Variants in PLEKHG3 observed in about 807,000 individuals in gnomAD.
PLEKHG3 encodes the protein pleckstrin homology and RhoGEF domain containing G3.
A neutral mutation model predicts 94.9 loss-of-function variants in PLEKHG3; 62 were observed. That is an observed-to-expected ratio of 0.65 (90% CI 0.53 to 0.81). The LOEUF (loss-of-function observed/expected upper bound fraction) is 0.81. PLEKHG3 is among the 30% of genes least tolerant of loss of function. The probability of loss-of-function intolerance (pLI) is 0.00; values close to 1 mark genes in which losing one functional copy is unlikely to be tolerated. For synonymous variants in PLEKHG3, 614 were observed against 654.0 expected (o/e 0.94, Z 0.93); for missense variants, 1,461 against 1,619.3 (o/e 0.90, Z 1.68).
At position 64,731,306 on chromosome 14, in the gene PLEKHG3, A is replaced by C; in HGVS notation, c.850-55A>C. ...GGAGCCTTTGTGGCAGGGTTTGCAG[A>C]GCCTCCTAAGGCCCCAGTGGCCTGA... is the stretch of plus-strand genomic sequence containing the variant. On this transcript the variant is annotated intron_variant, in intron 7 of 16. Coordinates refer to ENST00000247226, the MANE Select transcript of PLEKHG3 (RefSeq NM_001308147.2). The surrounding 1 kb of genome is among the most constrained non-coding windows in gnomAD (Gnocchi z 6.1). 6.6e-7 allele frequency: 1 copy of C among 1,517,224 alleles called. No individual in the cohort carries two copies. 94.0% of individuals were successfully genotyped at this position (1,517,224 alleles called of 1,614,324 possible).
At position 64,733,008 on chromosome 14, in the gene PLEKHG3, C is replaced by G. The variant is rs76526584; in HGVS notation, c.1345+107C>G. The G allele has an allele frequency of 6.3e-4, 451 of 711,252 alleles. 5 individuals are homozygous for G. In the East Asian group the frequency reaches 0.012, roughly 19 times the overall value. 44.1% of individuals were successfully genotyped at this position (711,252 alleles called of 1,614,324 possible). A position where few individuals can be genotyped will look rare whatever the true frequency, so the allele number is the denominator to read the frequency against. On this transcript the variant is annotated intron_variant, in intron 12 of 16. Coordinates refer to ENST00000247226, the MANE Select transcript of PLEKHG3 (RefSeq NM_001308147.2). The stretch of plus-strand genomic sequence containing the variant: ...GCTGTGGCTCTCACCTCTGCGGAAA[C>G]CCTGGGAAAGGCTAGAGCGGGGCTG...
rs769531234 is a variant in PLEKHG3, at chr14:64,731,345, G to A, written c.850-16G>A. ...CCAGTGGCCTGACTCTAGGGATTGG[G>A]GCCCCTCTGCTGCAGGAGATTCAGT... On this transcript the variant is annotated splice_polypyrimidine_tract_variant and intron_variant, in intron 7 of 16. Transcript: ENST00000247226. The surrounding 1 kb of genome is among the most constrained non-coding windows in gnomAD (Gnocchi z 6.1). The A allele has an allele frequency of 6.2e-7, 1 of 1,610,170 alleles. No individual in the cohort carries two copies. Among genetic ancestry groups the A allele is most frequent in the Non-Finnish European group, 8.5e-7 (1 of 1,177,844 alleles).
In PLEKHG3 at chr14:64,741,419, G is replaced by A. The variant is rs1376808029; in HGVS notation, c.1902G>A (p.Leu634=). 2 of 1,612,762 alleles carry A rather than the reference G, an allele frequency of 1.2e-6. No individual in the cohort carries two copies. The highest frequency in any genetic ancestry group is 1.3e-5 in the African/African-American group (1 of 74,948). The change falls in exon 16 of 17, where the codon CTG becomes CTA. Residue 634 remains leucine (L), a synonymous_variant. Coordinates refer to ENST00000247226, the MANE Select transcript of PLEKHG3 (RefSeq NM_001308147.2). ...SKSSGFGSPR[L]VSRSSSVLSL... ...CCAGTGGCTTTGGGAGCCCGCGGCT[G>A]GTCAGCCGGAGCAGCAGCGTGCTCA...
At chr14:64,714,229 G>A (rs765928219) in intron 1 of PLEKHG3, among the ~76,000 whole-genome samples, 31 of 152,316 alleles carry the variant, frequency 2.0e-4, no homozygotes, top group African/African-American at 3.1e-4. Context: ...TTTTGGAAGC[G>A]TGCACTTATT....
intron 16 of PLEKHG3, 27 bp downstream of exon 16, chr14:64,742,482 T>G: frequency 1.7e-5 from 26 of 1,517,462 alleles, no homozygotes; most frequent in South Asian, 4.8e-5. Context: ...AAGTGGGCCC[T>G]TCCCCAAGTC....
Position 64,730,871 on chromosome 14 carries a change from G to T in PLEKHG3, c.639G>T (p.Leu213=). The change falls in exon 6 of 17, where the codon CTG becomes CTT. Residue 213 remains leucine (L), a synonymous_variant. Transcript: ENST00000247226. The surrounding 1 kb of genome is among the most constrained non-coding windows in gnomAD (Gnocchi z 5.4). Reference sequence around the variant, plus strand: ...AGTTCTTTCGGGACCGGCAGGAGCTGCTACAGCACTCGCTGCCCTTGGGCT... The same window carrying T: ...AGTTCTTTCGGGACCGGCAGGAGCTTCTACAGCACTCGCTGCCCTTGGGCT... ...QAKFFRDRQE[L]LQHSLPLGSY... 1 of 1,613,194 alleles carries T rather than the reference G, an allele frequency of 6.2e-7. No individual in the cohort carries two copies. Among genetic ancestry groups the T allele is most frequent in the Non-Finnish European group, 8.5e-7 (1 of 1,180,002 alleles).
chr14:64,749,413 G>T lies in PLEKHG3; in HGVS notation c.*5710G>T, dbSNP rs770384233. On this transcript the variant is annotated 3_prime_UTR_variant, in exon 17 of 17. Coordinates refer to ENST00000247226, the MANE Select transcript of PLEKHG3 (RefSeq NM_001308147.2). This position sits in a 1 kb window ranked among gnomAD's most constrained non-coding sequence, Gnocchi z 4.7. ...AGGGGCAGGCTCTGCGCCTTGACGC[G>T]GATGCTCTGGGACTCGTTGATGGCG... The T allele has an allele frequency of 3.7e-6, 6 of 1,606,858 alleles. No homozygotes were observed. In the African/African-American group the frequency reaches 5.3e-5, roughly 14 times the overall value.
chr14:64,737,830 C>G, intron 14 of PLEKHG3: 1 of 1,123,062 alleles, frequency 8.9e-7, no homozygotes, highest in African/African-American at 1.7e-5. Flanking sequence ...GCCCAAGAGG[C>G]TGGTCACGAG....
At position 64,716,142 on chromosome 14, in the gene PLEKHG3, G is replaced by A. The variant is rs1594665568; in HGVS notation, c.-40+11438G>A. 4.5e-6 allele frequency: 2 copies of A among 440,482 alleles called. No individual in the cohort carries two copies. The highest frequency in any genetic ancestry group is 7.2e-5 in the East Asian group (1 of 13,936). The allele number at this position is 440,482 out of a possible 1,614,324, so 27.3% of individuals were successfully genotyped here. ...CAGGGGATGGGAATGGGGTGGGATG[G>A]GGACTCTTTCAACTCCGGGCCTCTA... On this transcript the variant is annotated intron_variant, in intron 1 of 16. Transcript: ENST00000247226. The surrounding 1 kb of genome is among the most constrained non-coding windows in gnomAD (Gnocchi z 5.0).
intron 14 of PLEKHG3, among the ~76,000 whole-genome samples, chr14:64,737,700 T>C (rs192789856): frequency 1.3e-5 from 2 of 152,314 alleles, no homozygotes; most frequent in Non-Finnish European, 2.9e-5. Flanking sequence ...TCCCAGCCTT[T>C]CCACCATGAG....
rs768683098 is a variant in PLEKHG3, at chr14:64,750,064, A to G, written c.*6361A>G. The G allele has an allele frequency of 2.5e-6, 4 of 1,614,066 alleles. No homozygotes were observed. The Admixed American group carries it at 6.7e-5, about 27-fold the overall frequency. On this transcript the variant is annotated 3_prime_UTR_variant, in exon 17 of 17. Transcript: ENST00000247226. The stretch of plus-strand genomic sequence containing the variant: ...GTCTCAGGGCCAGGGGTTCCTCCCC[A>G]TGGTAGGGCATCCCCAGGGCCAGGT...
chr14:64,719,039 C>T (rs1184287858), intron 1 of PLEKHG3, among the ~76,000 whole-genome samples: 2 of 152,148 alleles, frequency 1.3e-5, no homozygotes, highest in African/African-American at 2.4e-5. Context: ...TTCGGACTCA[C>T]TTAATACTTC....
chr14:64,705,717 C>T (rs1356286061), intron 1 of PLEKHG3, among the ~76,000 whole-genome samples: 3 of 152,204 alleles, frequency 2.0e-5, no homozygotes, highest in Non-Finnish European at 4.4e-5. Context: ...GAGGGCCTCC[C>T]CGTTGAGCAC....
rs1177288828 is a variant in PLEKHG3, at chr14:64,721,095, A to G, written c.-39-6498A>G. Among the ~76,000 whole-genome samples the G allele has an allele frequency of 6.6e-6, 1 of 152,234 alleles. No homozygotes were observed. The highest frequency in any genetic ancestry group is 1.9e-4 in the East Asian group (1 of 5,202). On this transcript the variant is annotated intron_variant, in intron 1 of 16. Coordinates refer to ENST00000247226, the MANE Select transcript of PLEKHG3 (RefSeq NM_001308147.2). The surrounding 1 kb of genome is among the most constrained non-coding windows in gnomAD (Gnocchi z 4.3). Reference sequence around the variant, plus strand: ...TGTGTCCCTTTTGCCATATAAGGTGACATTCATAGGTTGAGGGTCAGGCTG... The same window carrying G: ...TGTGTCCCTTTTGCCATATAAGGTGGCATTCATAGGTTGAGGGTCAGGCTG...
At position 64,704,874 on chromosome 14, in the gene PLEKHG3, C is replaced by G. The variant is rs2080946810; in HGVS notation, c.-40+170C>G. 6.6e-6 allele frequency among the ~76,000 whole-genome samples: 1 copy of G among 152,240 alleles called. No homozygotes were observed. The highest frequency in any genetic ancestry group is 1.5e-5 in the Non-Finnish European group (1 of 68,040). On this transcript the variant is annotated intron_variant, in intron 1 of 16. Transcript: ENST00000247226. The surrounding 1 kb of genome is among the most constrained non-coding windows in gnomAD (Gnocchi z 5.6). ...GGGCCTGGAACTGTGTTGGCTGCTTCCCGGGCCACCCTGCCGCAGAGTGCG... is the reference window on the plus strand; with the variant it reads ...GGGCCTGGAACTGTGTTGGCTGCTTGCCGGGCCACCCTGCCGCAGAGTGCG...
At position 64,731,213 on chromosome 14, in the gene PLEKHG3, G is replaced by A. The variant is rs2081455884; in HGVS notation, c.849+44G>A. 1.3e-6 allele frequency: 2 copies of A among 1,553,406 alleles called. No individual in the cohort carries two copies. Among genetic ancestry groups the A allele is most frequent in the Non-Finnish European group, 8.8e-7 (1 of 1,133,060 alleles). Reference sequence around the variant, plus strand: ...GCTGGGGGAGGGGCAGGGCTGGGTGGGCCAGGCTTCCGCTGGGAAGAGGGA... The same window carrying A: ...GCTGGGGGAGGGGCAGGGCTGGGTGAGCCAGGCTTCCGCTGGGAAGAGGGA... On this transcript the variant is annotated intron_variant, in intron 7 of 16. Coordinates refer to ENST00000247226, the MANE Select transcript of PLEKHG3 (RefSeq NM_001308147.2). The surrounding 1 kb of genome is among the most constrained non-coding windows in gnomAD (Gnocchi z 6.1).
chr14:64,736,821 C>G (rs200060420), intron 12 of PLEKHG3, 32 bp from the exon 13 acceptor site: 3 of 1,583,098 alleles, frequency 1.9e-6, no homozygotes, highest in Non-Finnish European at 2.6e-6. Flanking sequence ...TTTCCTGGCC[C>G]GCGCTGACTC....
chr14:64,728,198 A>T lies in PLEKHG3; in HGVS notation c.351+216A>T, dbSNP rs1163947369. ...GCCGACAGGAGTGAGCATCGTTGAT[A>T]GGGTGGATCCCCAGCCTGCCTGGGA... On this transcript the variant is annotated intron_variant, in intron 2 of 16. Coordinates refer to ENST00000247226, the MANE Select transcript of PLEKHG3 (RefSeq NM_001308147.2). This position sits in a 1 kb window ranked among gnomAD's most constrained non-coding sequence, Gnocchi z 5.9. Among the ~76,000 whole-genome samples, 1 of 152,224 alleles carries T rather than the reference A, an allele frequency of 6.6e-6. No homozygotes were observed. The highest frequency in any genetic ancestry group is 1.5e-5 in the Non-Finnish European group (1 of 68,036).
Position 64,730,423 on chromosome 14 carries a change from G to A in PLEKHG3, c.519+111G>A. On this transcript the variant is annotated intron_variant, in intron 4 of 16. Coordinates refer to ENST00000247226, the MANE Select transcript of PLEKHG3 (RefSeq NM_001308147.2). This position sits in a 1 kb window ranked among gnomAD's most constrained non-coding sequence, Gnocchi z 5.4. ...TCCTGGGGATTCCTTTCCAGGGAAA[G>A]TCCTGGGTGCTCTATCTTGAATGAG... 1 of 818,056 alleles carries A rather than the reference G, an allele frequency of 1.2e-6. No homozygotes were observed. Among genetic ancestry groups the A allele is most frequent in the Non-Finnish European group, 2.0e-6 (1 of 497,660 alleles). 50.7% of individuals were successfully genotyped at this position (818,056 alleles called of 1,614,324 possible). A position where few individuals can be genotyped will look rare whatever the true frequency, so the allele number is the denominator to read the frequency against.
Sources: gnomAD v4.1 joint callset for allele counts (sites outside exome capture counted in the v4.1 genomes callset) on GRCh38, gnomAD v4.1.1 for gene constraint, Gnocchi (gnomAD v3.1) non-coding constraint, MANE v1.5 for transcripts, NCBI Gene and HGNC (gene_info 2026-07-23, HGNC 2026-07-21) for gene names.